The following RALGPS1 variants were observed in gnomAD, a reference collection of about 807,000 sequenced individuals.
RALGPS1 encodes the protein Ral GEF with PH domain and SH3 binding motif 1, also known as ras-specific guanine nucleotide-releasing factor RalGPS1.
Under a neutral mutation model 78.8 loss-of-function variants are expected in RALGPS1, and 19 were observed. That is an observed-to-expected ratio of 0.24 (90% CI 0.17 to 0.35). RALGPS1 has a LOEUF of 0.35. RALGPS1 is among the 10% of genes least tolerant of loss of function. RALGPS1 has a pLI of 1.00. For synonymous variants in RALGPS1, 228 were observed against 256.3 expected (o/e 0.89, Z 1.06); for missense variants, 454 against 688.3 (o/e 0.66, Z 3.81).
intron 1 of RALGPS1, among the ~76,000 whole-genome samples, chr9:126,936,030 G>T (rs1472636616): frequency 2.0e-5 from 3 of 152,208 alleles, no homozygotes; most frequent in Non-Finnish European, 2.9e-5. Flanking sequence ...GTCACCACAG[G>T]GACCAAAGGG....
At chr9:127,177,757 C>T (rs2059965268) in intron 11 of RALGPS1, 1 of 1,464,074 alleles carries the variant, frequency 6.8e-7, no homozygotes, top group African/African-American at 1.4e-5. Flanking sequence ...GGAGGCACTG[C>T]ATTTCCTGGC....
intron 1 of RALGPS1, among the ~76,000 whole-genome samples, chr9:126,919,030 A>C (rs760427760): frequency 1.2e-4 from 19 of 152,144 alleles, no homozygotes; most frequent in Non-Finnish European, 2.8e-4. Context: ...TTCTTGCCTC[A>C]AGTTGACAGT....
chr9:126,934,102 A>G (rs558639435), intron 1 of RALGPS1, among the ~76,000 whole-genome samples: 1 of 152,340 alleles, frequency 6.6e-6, no homozygotes, highest in South Asian at 2.1e-4. Context: ...GATGAATTCC[A>G]TGATTTTAGG....
chr9:127,197,764 A>G lies in RALGPS1; in HGVS notation c.1195+1133A>G, dbSNP rs116178053. ...TGCCTTGGGAGAAGAGTTCCAGGTC[A>G]TGCATGGGGAAAGGCTGGGTTGAGC... On this transcript the variant is annotated intron_variant, in intron 13 of 18. Coordinates refer to ENST00000259351, the MANE Select transcript of RALGPS1 (RefSeq NM_014636.3). Among the ~76,000 whole-genome samples, 484 of 152,288 alleles carry G rather than the reference A, an allele frequency of 3.2e-3. 2 individuals are homozygous for G. The highest frequency in any genetic ancestry group is 0.011 in the African/African-American group (458 of 41,564).
chr9:127,151,557 C>T (rs187341468), intron 8 of RALGPS1, among the ~76,000 whole-genome samples: 4 of 152,160 alleles, frequency 2.6e-5, no homozygotes, highest in East Asian at 1.9e-4. Context: ...TCAATTACAG[C>T]GGAGGGGAAA....
chr9:127,014,284 T>C (rs1032409532), intron 4 of RALGPS1, among the ~76,000 whole-genome samples: 12 of 152,234 alleles, frequency 7.9e-5, no homozygotes, highest in Non-Finnish European at 1.8e-4. Context: ...CATTTGAAAG[T>C]TGTTTTTCCT....
intron 11 of RALGPS1, among the ~76,000 whole-genome samples, chr9:127,188,730 C>T (rs2060825779): frequency 6.6e-6 from 1 of 151,130 alleles, no homozygotes; most frequent in African/African-American, 2.4e-5. Flanking sequence ...CTTTGGGAGC[C>T]TGAGATCGGT....
intron 7 of RALGPS1, among the ~76,000 whole-genome samples, chr9:127,066,910 A>C (rs553748443): frequency 2.0e-5 from 3 of 151,974 alleles, no homozygotes; most frequent in East Asian, 3.9e-4. Context: ...TACAGCCTCA[A>C]CCTCCTGGAC....
chr9:127,160,792 C>G lies in RALGPS1; in HGVS notation c.611-5277C>G, dbSNP rs111371782. Among the ~76,000 whole-genome samples, 984 of 152,358 alleles carry G rather than the reference C, an allele frequency of 6.5e-3. 19 individuals carry two copies. The highest frequency in any genetic ancestry group is 0.023 in the African/African-American group (946 of 41,578). ...AGTCCTGAATTCAAATCCTGATTCT[C>G]TCACTTGCAAGCTGTGTGATCTTGG... On this transcript the variant is annotated intron_variant, in intron 8 of 18. Coordinates refer to ENST00000259351, the MANE Select transcript of RALGPS1 (RefSeq NM_014636.3).
chr9:126,970,847 C>T (rs1422366807), intron 3 of RALGPS1, among the ~76,000 whole-genome samples: 1 of 152,070 alleles, frequency 6.6e-6, no homozygotes, highest in Non-Finnish European at 1.5e-5. Context: ...AAAAAAGAGA[C>T]AAGAATCCCT....
chr9:127,201,594 C>T (rs1191120102), intron 14 of RALGPS1, among the ~76,000 whole-genome samples: 4 of 152,340 alleles, frequency 2.6e-5, no homozygotes, highest in Non-Finnish European at 5.9e-5. Flanking sequence ...CCTCTTGCAG[C>T]TTGAAAATCT....
intron 7 of RALGPS1, among the ~76,000 whole-genome samples, 167 bp from the exon 8 acceptor site, chr9:127,069,063 C>A (rs916391157): frequency 6.6e-6 from 1 of 152,190 alleles, no homozygotes; most frequent in Non-Finnish European, 1.5e-5. Flanking sequence ...GTCCTGCCTC[C>A]TTCTTCATAT....
intron 2 of RALGPS1, among the ~76,000 whole-genome samples, chr9:126,964,875 A>C (rs979278647): frequency 1.2e-4 from 18 of 152,192 alleles, no homozygotes; most frequent in Admixed American, 1.2e-3. Flanking sequence ...AGTGAAATAA[A>C]GAAGAATTAA....
chr9:127,199,106 T>A, intron 14 of RALGPS1, 40 bp downstream of exon 14: 1 of 1,591,040 alleles, frequency 6.3e-7, no homozygotes. Flanking sequence ...CCAGGGGCGG[T>A]GCTCAGGGCT....
intron 1 of RALGPS1, among the ~76,000 whole-genome samples, chr9:126,934,947 TG>T (rs2036126363): frequency 6.6e-6 from 1 of 152,156 alleles, no homozygotes; most frequent in Non-Finnish European, 1.5e-5. Context: ...CATGGGAGAA[TG>T]GGGTGAAGGA....
intron 1 of RALGPS1, among the ~76,000 whole-genome samples, chr9:126,939,355 A>G (rs1436639884): frequency 6.6e-6 from 1 of 152,208 alleles, no homozygotes; most frequent in Non-Finnish European, 1.5e-5. Flanking sequence ...TGAGAACACA[A>G]TAGACTATGC....
chr9:127,059,988 G>A (rs906212303), intron 7 of RALGPS1, among the ~76,000 whole-genome samples: 2 of 152,134 alleles, frequency 1.3e-5, no homozygotes, highest in African/African-American at 4.8e-5. Context: ...TAGAAGCCAA[G>A]AAAGGGAAGT....
rs1416693407 is a variant in RALGPS1, at chr9:127,054,646, G to A, written c.483+1707G>A. ...TGACAGGCCCTACTCAAGGTGGCTG[G>A]GTCTTCACTCCTGTTGATGGTTCTT... On this transcript the variant is annotated intron_variant, in intron 7 of 18. Coordinates refer to ENST00000259351, the MANE Select transcript of RALGPS1 (RefSeq NM_014636.3). Among the ~76,000 whole-genome samples the A allele has an allele frequency of 2.6e-5, 4 of 152,056 alleles. No individual in the cohort carries two copies. In the East Asian group the frequency reaches 7.7e-4, roughly 29 times the overall value.
intron 4 of RALGPS1, among the ~76,000 whole-genome samples, chr9:127,004,055 T>G (rs1390608924): frequency 6.6e-6 from 1 of 152,216 alleles, no homozygotes; most frequent in African/African-American, 2.4e-5. Context: ...TTTATCCAAT[T>G]TTTATGGTTA....
Sources: allele counts gnomAD v4.1 joint callset (sites outside exome capture counted in the v4.1 genomes callset), GRCh38; gene constraint gnomAD v4.1.1; transcripts MANE v1.5; gene names NCBI Gene and HGNC (gene_info 2026-07-23, HGNC 2026-07-21).